Variants in ACTR3C observed in about 807,000 individuals in gnomAD.
ACTR3C encodes actin-related protein 3C.
A neutral mutation model predicts 26.3 loss-of-function variants in ACTR3C; 18 were observed. That is an observed-to-expected ratio of 0.68 (90% CI 0.47 to 1.01). ACTR3C has a LOEUF of 1.01. Ranked by LOEUF, ACTR3C falls within the 50% of genes least tolerant of loss-of-function variation. The probability of loss-of-function intolerance (pLI) is 0.00; values close to 1 mark genes in which losing one functional copy is unlikely to be tolerated. For synonymous variants in ACTR3C, 55 were observed against 94.5 expected (o/e 0.58, Z 2.42); for missense variants, 184 against 250.7 (o/e 0.73, Z 1.80).
chr7:149,907,478 TTCTCTCTCTCTC>T, the ACTR3C span, among the ~76,000 whole-genome samples: 2 of 97,606 alleles, frequency 2.0e-5, no homozygotes, highest in South Asian at 4.6e-4. Flanking sequence ...CTCTCTTCTC[TTCTCTCTCTCTC>T]TCTCTCTCTC....
chr7:150,077,009 C>CA, the ACTR3C span, among the ~76,000 whole-genome samples: 1 of 151,882 alleles, frequency 6.6e-6, no homozygotes, highest in Non-Finnish European at 1.5e-5. Flanking sequence ...TATTAAAATA[C>CA]AAAAAATTAG....
chr7:150,175,469 G>C, the ACTR3C span, among the ~76,000 whole-genome samples: 1 of 148,792 alleles, frequency 6.7e-6, no homozygotes, highest in Non-Finnish European at 1.5e-5. Flanking sequence ...ATAGGACTAA[G>C]TAGGCTTCTG....
At chr7:150,145,262 G>C in the ACTR3C span, among the ~76,000 whole-genome samples, 1 of 152,106 alleles carries the variant, frequency 6.6e-6, no homozygotes, top group African/African-American at 2.4e-5. Context: ...AGCTAGTGAA[G>C]ACCTGAAGGG....
the ACTR3C span, among the ~76,000 whole-genome samples, chr7:149,966,101 AGTT>A: frequency 6.6e-6 from 1 of 152,158 alleles, no homozygotes; most frequent in Non-Finnish European, 1.5e-5. Flanking sequence ...TCTGCTCCGT[AGTT>A]GTTTTGGCGT....
chr7:150,083,718 T>C, the ACTR3C span, among the ~76,000 whole-genome samples: 1 of 152,226 alleles, frequency 6.6e-6, no homozygotes, highest in African/African-American at 2.4e-5. Context: ...CTCCAGGTAT[T>C]TGCCTTGGTA....
At chr7:150,065,181 A>G in the ACTR3C span, among the ~76,000 whole-genome samples, 17,261 of 152,098 alleles carry the variant, frequency 0.11, 1,130 homozygotes, top group Middle Eastern at 0.17. Flanking sequence ...CAAGGAAAAA[A>G]TTGCATTCTG....
the ACTR3C span, among the ~76,000 whole-genome samples, chr7:150,029,318 G>A: frequency 4.2e-4 from 64 of 151,376 alleles, 1 homozygote; most frequent in African/African-American, 1.5e-3. Context: ...CCAGTACTTT[G>A]GGAGACCGAG....
intron 3 of ACTR3C, among the ~76,000 whole-genome samples, chr7:150,291,492 G>A (rs551684665): frequency 2.1e-4 from 32 of 152,124 alleles, no homozygotes; most frequent in African/African-American, 5.5e-4. Flanking sequence ...GTCTTTGGGC[G>A]GCTTTAAAGG....
chr7:150,085,939 G>A, the ACTR3C span, among the ~76,000 whole-genome samples: 88 of 151,940 alleles, frequency 5.8e-4, 1 homozygote, highest in African/African-American at 2.1e-3. Flanking sequence ...AAAAATACAA[G>A]CAGAGTAGCT....
chr7:150,210,826 G>T, the ACTR3C span, among the ~76,000 whole-genome samples: 1 of 145,868 alleles, frequency 6.9e-6, no homozygotes, highest in Non-Finnish European at 1.5e-5. Flanking sequence ...GCGTTTTCAC[G>T]GGTATGCACA....
the ACTR3C span, among the ~76,000 whole-genome samples, chr7:150,050,372 T>C: frequency 2.0e-5 from 3 of 152,216 alleles, no homozygotes; most frequent in Non-Finnish European, 2.9e-5. Flanking sequence ...TAGAATACTA[T>C]TGGGATAAAG....
the ACTR3C span, among the ~76,000 whole-genome samples, chr7:149,992,849 C>T: frequency 6.6e-5 from 10 of 152,128 alleles, 1 homozygote; most frequent in Admixed American, 4.6e-4. Context: ...AGAGAGAAGC[C>T]GGTAGTGGCT....
chr7:149,979,303 G>A, the ACTR3C span, among the ~76,000 whole-genome samples: 2 of 152,152 alleles, frequency 1.3e-5, no homozygotes, highest in Non-Finnish European at 2.9e-5. Flanking sequence ...GATAGAGTGG[G>A]GAGAGAAAGA....
At chr7:150,230,543 T>C in the ACTR3C span, among the ~76,000 whole-genome samples, 2 of 152,052 alleles carry the variant, frequency 1.3e-5, no homozygotes, top group African/African-American at 2.4e-5. Flanking sequence ...CAAATTCTCA[T>C]AGGAGCGCAA....
chr7:150,086,777 G>A, the ACTR3C span, among the ~76,000 whole-genome samples: 2 of 152,150 alleles, frequency 1.3e-5, no homozygotes, highest in Admixed American at 6.5e-5. Context: ...ATCTGATGGA[G>A]GCTCAGACTT....
chr7:150,305,502 C>G (rs145018293), intron 1 of ACTR3C, among the ~76,000 whole-genome samples: 1,924 of 152,258 alleles, frequency 0.013, 42 homozygotes, highest in African/African-American at 0.044. Context: ...CACACTCCCC[C>G]GCTCTCGTCA....
the ACTR3C span, among the ~76,000 whole-genome samples, chr7:150,086,357 T>C: frequency 3.9e-5 from 6 of 152,364 alleles, no homozygotes; most frequent in Admixed American, 2.0e-4. Flanking sequence ...TATGCTAGTA[T>C]AAATTTGAAA....
chr7:150,215,705 AAAACGATTACTCTTTAAGTATGTTTCT>A, the ACTR3C span, among the ~76,000 whole-genome samples: 1 of 151,680 alleles, frequency 6.6e-6, no homozygotes, highest in Admixed American at 6.6e-5. Context: ...ACCCTCAGAC[AAAACGATTACTCTTTAAGTATGTTTCT>A]GAATTGAGAG....
At chr7:150,199,392 A>T in the ACTR3C span, among the ~76,000 whole-genome samples, 1 of 112,906 alleles carries the variant, frequency 8.9e-6, no homozygotes, top group Non-Finnish European at 1.8e-5. Context: ...TTTGTTAAAC[A>T]GATGCTTGAA....
Sources: allele counts gnomAD v4.1 joint callset (sites outside exome capture counted in the v4.1 genomes callset), GRCh38; gene constraint gnomAD v4.1.1; transcripts MANE v1.5; gene names NCBI Gene and HGNC (gene_info 2026-07-23, HGNC 2026-07-21).